RGS7BP: variants seen among roughly 807,000 people sequenced by gnomAD.
RGS7BP encodes the protein regulator of G protein signaling 7-binding protein.
A neutral mutation model predicts 31.3 loss-of-function variants in RGS7BP; 9 were observed. The observed-to-expected ratio is 0.29, with a 90% CI of 0.17 to 0.50. RGS7BP has a LOEUF of 0.50. Ranked by LOEUF, RGS7BP falls within the 20% of genes least tolerant of loss-of-function variation. The pLI is 0.98. For missense variants in RGS7BP, 274 were observed against 322.0 expected (o/e 0.85, Z 1.14); for synonymous variants, 115 against 120.1 (o/e 0.96, Z 0.28).
chr5:64,565,056 T>C (rs1742137546), intron 2 of RGS7BP, among the ~76,000 whole-genome samples: 1 of 152,118 alleles, frequency 6.6e-6, no homozygotes, highest in African/African-American at 2.4e-5. Context: ...TGCATCAAAC[T>C]ATTATGAGTA....
chr5:64,590,865 C>T (rs1742895672), intron 3 of RGS7BP, among the ~76,000 whole-genome samples: 1 of 152,034 alleles, frequency 6.6e-6, no homozygotes, highest in South Asian at 2.1e-4. Flanking sequence ...AGAGCAAAGT[C>T]AACAGAAAAG....
At chr5:64,597,994 G>A (rs545168683) in intron 4 of RGS7BP, among the ~76,000 whole-genome samples, 2 of 152,270 alleles carry the variant, frequency 1.3e-5, no homozygotes, top group Admixed American at 6.5e-5. Flanking sequence ...CCTCAAGTTT[G>A]CCCTGGGTAG....
In RGS7BP at chr5:64,523,578, T is replaced by A. The variant is rs373595673; in HGVS notation, c.332+15701T>A. Among the ~76,000 whole-genome samples, 7 of 152,202 alleles carry A rather than the reference T, an allele frequency of 4.6e-5. No homozygotes were observed. In the East Asian group the frequency reaches 5.8e-4, roughly 13 times the overall value. The stretch of plus-strand genomic sequence containing the variant: ...ATCACTTCGAGTTTATATTAGTAAC[T>A]GTGACCTTTATCACCTTCTTTCTTT... On this transcript the variant is annotated intron_variant, in intron 2 of 5. Transcript: ENST00000334025.
At chr5:64,533,193 C>T (rs767185377) in intron 2 of RGS7BP, among the ~76,000 whole-genome samples, 2 of 152,126 alleles carry the variant, frequency 1.3e-5, no homozygotes, top group Non-Finnish European at 2.9e-5. Context: ...CATCTTCCAC[C>T]TGCATTCAGA....
At chr5:64,593,554 T>A (rs990404132) in intron 3 of RGS7BP, among the ~76,000 whole-genome samples, 1 of 152,134 alleles carries the variant, frequency 6.6e-6, no homozygotes, top group Admixed American at 6.6e-5. Context: ...ATGACAAAAA[T>A]AAAACTGGAT....
chr5:64,560,206 T>C (rs1416520098), intron 2 of RGS7BP, among the ~76,000 whole-genome samples: 1 of 152,192 alleles, frequency 6.6e-6, no homozygotes, highest in Non-Finnish European at 1.5e-5. Context: ...TGTTTTAATG[T>C]GTTTACAGAC....
In RGS7BP at chr5:64,512,598, T is replaced by G. The variant is rs539077813; in HGVS notation, c.332+4721T>G. On this transcript the variant is annotated intron_variant, in intron 2 of 5. Coordinates refer to ENST00000334025, the MANE Select transcript of RGS7BP (RefSeq NM_001029875.3). ...TACTTAGGAGACCGCAAGCATATAG[T>G]AAATGCTATTAAGTGCAAGTTAGTG... Among the ~76,000 whole-genome samples, 11 of 152,356 alleles carry G rather than the reference T, an allele frequency of 7.2e-5. No individual in the cohort carries two copies. In the South Asian group the frequency reaches 2.3e-3, roughly 32 times the overall value.
chr5:64,527,627 AAAAAAAAAAAAAAAAG>A (rs1365309726), intron 2 of RGS7BP, among the ~76,000 whole-genome samples: 19 of 144,108 alleles, frequency 1.3e-4, no homozygotes, highest in African/African-American at 4.9e-4. Context: ...AAAAAAAAAA[AAAAAAAAAAAAAAAAG>A]AGGAATGTTC....
intron 2 of RGS7BP, among the ~76,000 whole-genome samples, chr5:64,564,771 A>C (rs1290216100): frequency 3.3e-5 from 5 of 152,080 alleles, no homozygotes; most frequent in African/African-American, 1.2e-4. Context: ...TAGATACAGC[A>C]GAAGCCACGC....
chr5:64,559,214 CCCCAGACA>C (rs1294525871), intron 2 of RGS7BP, among the ~76,000 whole-genome samples: 1 of 152,088 alleles, frequency 6.6e-6, no homozygotes, highest in African/African-American at 2.4e-5. Flanking sequence ...GTGATGTCTC[CCCCAGACA>C]CCCAGCTTTA....
intron 2 of RGS7BP, chr5:64,573,486 A>T (rs1260416399): frequency 6.6e-6 from 1 of 152,146 alleles, no homozygotes; most frequent in African/African-American, 2.4e-5. Context: ...GTACTGGCTA[A>T]TTGTCCCACT....
intron 2 of RGS7BP, among the ~76,000 whole-genome samples, chr5:64,555,178 G>C (rs943850887): frequency 6.6e-6 from 1 of 152,078 alleles, no homozygotes; most frequent in Non-Finnish European, 1.5e-5. Flanking sequence ...ATTTCCTACA[G>C]AGGAACTACA....
intron 2 of RGS7BP, among the ~76,000 whole-genome samples, chr5:64,508,303 A>G (rs1748748456): frequency 6.6e-6 from 1 of 152,218 alleles, no homozygotes; most frequent in Non-Finnish European, 1.5e-5. Flanking sequence ...TATTTATACC[A>G]TGAGATAAAT....
At chr5:64,581,610 G>A (rs965774060) in intron 3 of RGS7BP, among the ~76,000 whole-genome samples, 11 of 152,098 alleles carry the variant, frequency 7.2e-5, no homozygotes, top group Middle Eastern at 3.2e-3. Context: ...GTTTCTTTCT[G>A]GGAAAAACAA....
chr5:64,506,859 A>C lies in RGS7BP; in HGVS notation c.165+70A>C. Reference sequence around the variant, plus strand: ...GGGGTGGGGGGAGTCATGTATGTTAATCATTTGCCTGAGTGCCAGCCACTC... The same window carrying C: ...GGGGTGGGGGGAGTCATGTATGTTACTCATTTGCCTGAGTGCCAGCCACTC... On this transcript the variant is annotated intron_variant, in intron 1 of 5. Coordinates refer to ENST00000334025, the MANE Select transcript of RGS7BP (RefSeq NM_001029875.3). The surrounding 1 kb of genome is among the most constrained non-coding windows in gnomAD (Gnocchi z 4.6). 7.0e-7 allele frequency: 1 copy of C among 1,424,350 alleles called. No homozygotes were observed. Among genetic ancestry groups the C allele is most frequent in the Non-Finnish European group, 9.5e-7 (1 of 1,054,738 alleles). The allele number at this position is 1,424,350 out of a possible 1,614,324, so 88.2% of individuals were successfully genotyped here.
intron 3 of RGS7BP, among the ~76,000 whole-genome samples, chr5:64,582,648 A>G (rs887475764): frequency 2.0e-5 from 3 of 152,232 alleles, no homozygotes; most frequent in Admixed American, 2.0e-4. Context: ...ATGTAATCAC[A>G]AAAGGGAAAG....
Position 64,598,375 on chromosome 5 carries a change from G to A in RGS7BP, c.622G>A (p.Glu208Lys), listed in dbSNP as rs1255144153. ...TTATCAATTTTACAGAGACATGAGAGAAATGAAAAACCTTTTAAGCAAACT... is the reference window on the plus strand; with the variant it reads ...TTATCAATTTTACAGAGACATGAGAAAAATGAAAAACCTTTTAAGCAAACT... ...DIENTERDMREMKNLLSKLRE... is the reference protein window; with the variant it reads ...DIENTERDMRKMKNLLSKLRE... Residue 208 changes from glutamate (E) to lysine (K), a missense_variant, in exon 5 of 6, where the codon GAA becomes AAA. Glu to Lys is a moderately conservative substitution (Grantham distance 56). This residue lies in a region of RGS7BP where 112 missense variants were observed against 130.9 expected (regional missense o/e 0.86). Coordinates refer to ENST00000334025, the MANE Select transcript of RGS7BP (RefSeq NM_001029875.3). 6.3e-7 allele frequency: 1 copy of A among 1,586,888 alleles called. No individual in the cohort carries two copies. Among genetic ancestry groups the A allele is most frequent in the Non-Finnish European group, 8.7e-7 (1 of 1,155,558 alleles).
At chr5:64,512,433 C>G (rs1340689775) in intron 2 of RGS7BP, among the ~76,000 whole-genome samples, 4 of 152,168 alleles carry the variant, frequency 2.6e-5, no homozygotes, top group Non-Finnish European at 5.9e-5. Flanking sequence ...ACCAGACTGG[C>G]AGTCTGGCTG....
intron 2 of RGS7BP, among the ~76,000 whole-genome samples, chr5:64,529,037 T>A (rs890174801): frequency 6.6e-6 from 1 of 152,084 alleles, no homozygotes; most frequent in Non-Finnish European, 1.5e-5. Context: ...TTATTGTAAT[T>A]CAGAAAAAGA....
Sources: gnomAD v4.1 joint callset for allele counts (sites outside exome capture counted in the v4.1 genomes callset) on GRCh38, gnomAD v4.1.1 for gene constraint, gnomAD v4.1.1 regional missense constraint, Gnocchi (gnomAD v3.1) non-coding constraint, MANE v1.5 for transcripts, NCBI Gene and HGNC (gene_info 2026-07-23, HGNC 2026-07-21) for gene names.